The following TRPC5 variants were observed in gnomAD, a reference collection of about 807,000 sequenced individuals.
The protein encoded by TRPC5 is short transient receptor potential channel 5.
A neutral mutation model predicts 56.5 loss-of-function variants in TRPC5; 9 were observed. That is an observed-to-expected ratio of 0.16 (90% confidence interval 0.10 to 0.28). The LOEUF is 0.28. Among genes scored for constraint, TRPC5 ranks in the 10% least tolerant of loss-of-function variants. The probability of loss-of-function intolerance (pLI) is 1.00; values close to 1 mark genes in which losing one functional copy is unlikely to be tolerated. For synonymous variants in TRPC5, 282 were observed against 278.5 expected (o/e 1.01, Z -0.13); for missense variants, 469 against 748.9 (o/e 0.63, Z 4.36).
At chrX:112,042,359 A>G (rs1237398662) in intron 1 of TRPC5, among the ~76,000 whole-genome samples, 2 of 110,602 alleles carry the variant, frequency 1.8e-5, no homozygotes, top group African/African-American at 6.6e-5. Context: ...GGACCTGGGG[A>G]CTCTGATGTT....
chrX:111,799,778 A>G (rs760389342), intron 7 of TRPC5, among the ~76,000 whole-genome samples: 1 of 110,952 alleles, frequency 9.0e-6, no homozygotes, highest in African/African-American at 3.3e-5. Flanking sequence ...TAAAAAAAAA[A>G]GGGTAACAAA....
chrX:111,914,499 T>G (rs1925916916), intron 2 of TRPC5, among the ~76,000 whole-genome samples: 1 of 112,076 alleles, frequency 8.9e-6, no homozygotes, highest in Non-Finnish European at 1.9e-5. Flanking sequence ...AACAGGGAAG[T>G]GGCCAGAAAA....
rs1425226684 is a variant in TRPC5 at position 111,952,160 on chromosome X, C to T, written c.261G>A (p.Glu87=). The change falls in exon 2 of 11, where the codon GAG becomes GAA. Residue 87 remains glutamate, a synonymous_variant. Coordinates refer to ENST00000262839, the MANE Select transcript of TRPC5 (RefSeq NM_012471.3). ...CATACACGCTGTGGTTCAGCAGTAG[C>T]TCCATGATCTCCAGGTTCTCGTTCT... ...AIENENLEIM[E]LLLNHSVYVG... The T allele has an allele frequency of 8.2e-7, 1 of 1,212,254 alleles. No individual in the cohort carries two copies. The highest frequency in any genetic ancestry group is 1.1e-6 in the Non-Finnish European group (1 of 895,659).
At chrX:111,944,303 T>TGTGAAAGAGAGAGA (rs1173179815) in intron 2 of TRPC5, among the ~76,000 whole-genome samples, 1 of 61,393 alleles carries the variant, frequency 1.6e-5, no homozygotes, top group African/African-American at 1.1e-4. Context: ...TGTGTGTGTG[T>TGTGAAAGAGAGAGA]GAGAGAGAGA....
chrX:111,932,791 C>T (rs1237046191), intron 2 of TRPC5, among the ~76,000 whole-genome samples: 10 of 111,804 alleles, frequency 8.9e-5, no homozygotes, highest in African/African-American at 2.9e-4. Flanking sequence ...GATTTAGTAC[C>T]GACCTAGCCC....
chrX:111,911,505 T>A (rs1325982062), intron 3 of TRPC5, among the ~76,000 whole-genome samples: 1 of 112,119 alleles, frequency 8.9e-6, no homozygotes, highest in Non-Finnish European at 1.9e-5. Flanking sequence ...CGTGGTATCA[T>A]GCTGCTTCCT....
At chrX:112,049,865 C>T (rs182065791) in intron 1 of TRPC5, among the ~76,000 whole-genome samples, 66 of 111,746 alleles carry the variant, frequency 5.9e-4, no homozygotes, top group African/African-American at 2.0e-3. Flanking sequence ...CTCAGAGATG[C>T]ACAATGTACA....
chrX:111,807,852 G>C (rs1921564596), intron 7 of TRPC5, among the ~76,000 whole-genome samples: 1 of 111,505 alleles, frequency 9.0e-6, no homozygotes, highest in African/African-American at 3.3e-5. Context: ...CTGCCTTCAT[G>C]GTCTTTGATA....
chrX:112,073,776 A>G (rs941053872), intron 1 of TRPC5, among the ~76,000 whole-genome samples: 1 of 111,407 alleles, frequency 9.0e-6, no homozygotes. Flanking sequence ...TTACCAACTT[A>G]TTATCTTCCT....
At chrX:112,020,758 C>A (rs917529872) in intron 1 of TRPC5, among the ~76,000 whole-genome samples, 2 of 111,216 alleles carry the variant, frequency 1.8e-5, no homozygotes, top group African/African-American at 6.5e-5. Context: ...TTTGCAGGGG[C>A]CTGATTCAGA....
chrX:111,881,146 G>T (rs868155400), intron 3 of TRPC5, among the ~76,000 whole-genome samples: 1,422 of 101,142 alleles, frequency 0.014, 20 homozygotes, highest in African/African-American at 0.057. Flanking sequence ...ATTTTCTTTT[G>T]TTTATTTTAT....
At chrX:111,956,175 TAA>T (rs1927230740) in intron 1 of TRPC5, among the ~76,000 whole-genome samples, 1 of 112,787 alleles carries the variant, frequency 8.9e-6, no homozygotes, top group South Asian at 3.6e-4. Flanking sequence ...CTGCCCAGCA[TAA>T]GACTTCATCT....
At chrX:111,786,423 C>T (rs1218112177) in intron 7 of TRPC5, among the ~76,000 whole-genome samples, 1 of 111,620 alleles carries the variant, frequency 9.0e-6, no homozygotes, top group African/African-American at 3.3e-5. Context: ...AAGCACTAAA[C>T]ATGGATAGAA....
chrX:111,776,127 TAATG>T lies in TRPC5; in HGVS notation c.*182_*185del, dbSNP rs1015083902. 28 of 410,687 alleles carry T rather than the reference TAATG, an allele frequency of 6.8e-5. No homozygotes were observed. The highest frequency in any genetic ancestry group is 5.0e-4 in the African/African-American group (20 of 39,862). The allele number at this position is 410,687 out of a possible 1,213,427, so 33.8% of individuals were successfully genotyped here. A position where few individuals can be genotyped will look rare whatever the true frequency, so the allele number is the denominator to read the frequency against. ...GTATAGGTATTAAAAAGGCAAATAA[TAATG>T]AAAGTAATAATAAAACAAGAACAAA... is the stretch of plus-strand genomic sequence containing the variant. On this transcript the variant is annotated 3_prime_UTR_variant, in exon 11 of 11. Coordinates refer to ENST00000262839, the MANE Select transcript of TRPC5 (RefSeq NM_012471.3).
At chrX:112,000,704 C>T (rs191409326) in intron 1 of TRPC5, among the ~76,000 whole-genome samples, 94 of 112,285 alleles carry the variant, frequency 8.4e-4, no homozygotes, top group African/African-American at 2.5e-3. Flanking sequence ...CATGTAGATA[C>T]CTACAACATG....
intron 2 of TRPC5, among the ~76,000 whole-genome samples, chrX:111,927,624 C>A (rs1419426228): frequency 9.0e-6 from 1 of 110,854 alleles, no homozygotes; most frequent in Non-Finnish European, 1.9e-5. Context: ...CTGGGCAGGT[C>A]ATTATGGAGA....
chrX:111,958,012 G>T (rs1354622894), intron 1 of TRPC5, among the ~76,000 whole-genome samples: 1 of 111,521 alleles, frequency 9.0e-6, no homozygotes, highest in Non-Finnish European at 1.9e-5. Context: ...AATGATCTAG[G>T]GATGGTCTTT....
chrX:111,779,115 C>T (rs747799305), intron 9 of TRPC5, 41 bp from the exon 10 acceptor site: 25 of 981,616 alleles, frequency 2.5e-5, no homozygotes, highest in South Asian at 1.9e-4. Context: ...GTCTCCTTCT[C>T]AGGCTCTCAG....
chrX:111,905,352 T>TAACC (rs745965670), intron 3 of TRPC5, among the ~76,000 whole-genome samples: 3,345 of 110,665 alleles, frequency 0.03, 64 homozygotes, highest in African/African-American at 0.057. Context: ...ACAAACCAAC[T>TAACC]AACCAACCAA....
Sources: allele counts gnomAD v4.1 joint callset (sites outside exome capture counted in the v4.1 genomes callset), GRCh38; gene constraint gnomAD v4.1.1; transcripts MANE v1.5; gene names NCBI Gene and HGNC (gene_info 2026-07-23, HGNC 2026-07-21).